The following SPECC1 variants were observed in gnomAD, a reference collection of about 807,000 sequenced individuals.
The protein encoded by SPECC1 is sperm antigen with calponin homology and coiled-coil domains 1, also known as cytospin-B.
Under a neutral mutation model 104.1 loss-of-function variants are expected in SPECC1, and 62 were observed. The ratio of observed to expected loss-of-function variants is 0.60; its 90% CI spans 0.49 to 0.74. The LOEUF (loss-of-function observed/expected upper bound fraction) is 0.74, where lower values mean the gene tolerates loss of function less well. Ranked by LOEUF, SPECC1 falls within the 30% of genes least tolerant of loss-of-function variation. The pLI, the probability that SPECC1 is intolerant of heterozygous loss-of-function variation, is 0.00. For missense variants in SPECC1, 1,306 were observed against 1,310.5 expected (o/e 1.00, Z 0.05); for synonymous variants, 513 against 501.6 (o/e 1.02, Z -0.30).
At chr17:20,112,320 G>T (rs1011736720) in intron 3 of SPECC1, 1 of 757,414 alleles carries the variant, frequency 1.3e-6, no homozygotes, top group African/African-American at 1.7e-5. Context: ...TAATTTATTG[G>T]ATATGTTAGA....
chr17:20,028,160 T>C (rs1435608503), intron 1 of SPECC1, among the ~76,000 whole-genome samples: 1 of 152,190 alleles, frequency 6.6e-6, no homozygotes, highest in East Asian at 1.9e-4. Context: ...CCCAGACCTA[T>C]TTGTTGAAAA....
At chr17:20,125,128 C>T (rs556112552) in intron 3 of SPECC1, among the ~76,000 whole-genome samples, 6 of 152,126 alleles carry the variant, frequency 3.9e-5, no homozygotes, top group African/African-American at 7.2e-5. Flanking sequence ...TGCAGTGAGC[C>T]GAGATCGCGC....
At chr17:20,101,909 T>C (rs1428761172) in intron 2 of SPECC1, among the ~76,000 whole-genome samples, 1 of 152,264 alleles carries the variant, frequency 6.6e-6, no homozygotes. Context: ...TGAATTCTTT[T>C]CTACATCTTT....
At chr17:20,051,910 A>C (rs903139232) in intron 1 of SPECC1, among the ~76,000 whole-genome samples, 1 of 152,328 alleles carries the variant, frequency 6.6e-6, no homozygotes, top group South Asian at 2.1e-4. Context: ...CAGATTTTCT[A>C]CATGCAGGTT....
intron 1 of SPECC1, among the ~76,000 whole-genome samples, chr17:20,042,316 A>C (rs2045361595): frequency 6.7e-6 from 1 of 149,272 alleles, no homozygotes; most frequent in Non-Finnish European, 1.5e-5. Context: ...GAGGGGTAGG[A>C]GTGCCTACTG....
intron 1 of SPECC1, among the ~76,000 whole-genome samples, chr17:20,037,098 T>C (rs1283662207): frequency 6.6e-6 from 1 of 152,242 alleles, no homozygotes; most frequent in African/African-American, 2.4e-5. Context: ...TACGTTCATA[T>C]AGTGGGTTAC....
chr17:20,255,082 C>T (rs910917036), intron 10 of SPECC1, among the ~76,000 whole-genome samples: 9 of 152,132 alleles, frequency 5.9e-5, no homozygotes, highest in African/African-American at 1.4e-4. Flanking sequence ...CTACCATGTG[C>T]CTCTTGGTGC....
At chr17:20,164,243 G>A (rs930736008) in intron 3 of SPECC1, among the ~76,000 whole-genome samples, 2 of 150,654 alleles carry the variant, frequency 1.3e-5, no homozygotes, top group Admixed American at 1.3e-4. Context: ...GTGCGATGCT[G>A]GCCCACTGCA....
intron 1 of SPECC1, among the ~76,000 whole-genome samples, chr17:20,024,054 C>T (rs2044504260): frequency 6.6e-6 from 1 of 152,120 alleles, no homozygotes; most frequent in Non-Finnish European, 1.5e-5. Context: ...ATATTTTACT[C>T]TAGGAATTCC....
intron 3 of SPECC1, among the ~76,000 whole-genome samples, chr17:20,128,090 A>G (rs1018265412): frequency 6.6e-6 from 1 of 152,222 alleles, no homozygotes; most frequent in Non-Finnish European, 1.5e-5. Context: ...ATGAAGTGAC[A>G]TATCAGTGTG....
chr17:20,318,938 C>T lies in SPECC1; in HGVS notation c.*4873C>T, dbSNP rs1045961577. 1 of 187,032 alleles carries T rather than the reference C, an allele frequency of 5.3e-6. No homozygotes were observed. The highest frequency in any genetic ancestry group is 1.1e-5 in the Non-Finnish European group (1 of 89,260). The allele number at this position is 187,032 out of a possible 1,614,324, so 11.6% of individuals were successfully genotyped here. A position where few individuals can be genotyped will look rare whatever the true frequency, so the allele number is the denominator to read the frequency against. On this transcript the variant is annotated 3_prime_UTR_variant, in exon 15 of 15. Transcript: ENST00000395527. ...TTGTACCCAGCACTTTTGGATATGA[C>T]ATGCTAATTAGATGTATTTAACTAT...
chr17:20,188,490 T>G (rs925791327), intron 3 of SPECC1, among the ~76,000 whole-genome samples: 4 of 151,852 alleles, frequency 2.6e-5, no homozygotes, highest in African/African-American at 9.7e-5. Context: ...ATTCCTGACC[T>G]CAGGTGATAT....
chr17:20,234,798 C>A (rs1200697488), intron 7 of SPECC1, among the ~76,000 whole-genome samples: 1 of 152,176 alleles, frequency 6.6e-6, no homozygotes, highest in South Asian at 2.1e-4. Context: ...CTGATAAGCA[C>A]GAGATGAAGC....
intron 3 of SPECC1, among the ~76,000 whole-genome samples, chr17:20,185,410 A>AAGTCCAACCACTGTG (rs1222956699): frequency 6.6e-6 from 1 of 152,162 alleles, no homozygotes; most frequent in East Asian, 1.9e-4. Context: ...GTTCTGTAAT[A>AAGTCCAACCACTGTG]AGTCCAACCA....
chr17:20,024,676 C>A (rs952028969), intron 1 of SPECC1, among the ~76,000 whole-genome samples: 3 of 152,142 alleles, frequency 2.0e-5, no homozygotes, highest in African/African-American at 7.2e-5. Flanking sequence ...AGGGAGAAGT[C>A]AGGGTTTTTC....
At chr17:20,182,633 A>T (rs191863769) in intron 3 of SPECC1, among the ~76,000 whole-genome samples, 7 of 151,758 alleles carry the variant, frequency 4.6e-5, no homozygotes, top group South Asian at 2.1e-4. Context: ...GAATGTTTTT[A>T]AAAAAACTGA....
At chr17:20,299,759 C>T (rs1003670144) in intron 13 of SPECC1, among the ~76,000 whole-genome samples, 1 of 151,996 alleles carries the variant, frequency 6.6e-6, no homozygotes, top group African/African-American at 2.4e-5. Flanking sequence ...ATTAAACATT[C>T]TGGGGGAAAG....
intron 1 of SPECC1, among the ~76,000 whole-genome samples, chr17:20,048,675 G>A (rs149838519): frequency 2.0e-5 from 3 of 152,220 alleles, no homozygotes; most frequent in African/African-American, 7.2e-5. Context: ...GGAGCCTGAG[G>A]TGGGTGGATT....
chr17:20,117,703 CAAAAAAA>C (rs1157847856), intron 3 of SPECC1, among the ~76,000 whole-genome samples: 3 of 59,608 alleles, frequency 5.0e-5, no homozygotes, highest in South Asian at 1.1e-3. Flanking sequence ...ATGATTGTCT[CAAAAAAA>C]AAAAAAAAAA....
Sources: gnomAD v4.1 joint callset for allele counts (sites outside exome capture counted in the v4.1 genomes callset) on GRCh38, gnomAD v4.1.1 for gene constraint, MANE v1.5 for transcripts, NCBI Gene and HGNC (gene_info 2026-07-23, HGNC 2026-07-21) for gene names.